DIAPH3: variants seen among roughly 807,000 people sequenced by gnomAD.
DIAPH3 encodes the protein diaphanous related formin 3.
In DIAPH3, 117 loss-of-function variants were observed where a neutral mutation model predicts 144.3. The observed-to-expected ratio is 0.81, with a 90% CI of 0.70 to 0.95. The LOEUF is 0.95. Among genes scored for constraint, DIAPH3 ranks in the 40% least tolerant of loss-of-function variants. DIAPH3 has a pLI of 0.00. For synonymous variants in DIAPH3, 519 were observed against 488.9 expected (o/e 1.06, Z -0.81); for missense variants, 1,421 against 1,412.7 (o/e 1.01, Z -0.09).
In DIAPH3 at chr13:60,072,000, C is replaced by T. The variant is rs568145602; in HGVS notation, c.495+21628G>A. ...CTAATTCATCCCTCACTGCTAATCA[C>T]CAAACATCTGAGCAGTGTGGGGCAC... On this transcript the variant is annotated intron_variant, in intron 4 of 27. Transcript: ENST00000400324. 1.6e-4 allele frequency among the ~76,000 whole-genome samples: 24 copies of T among 152,234 alleles called. No homozygotes were observed. In the South Asian group the frequency reaches 4.8e-3, roughly 30 times the overall value.
intron 8 of DIAPH3, among the ~76,000 whole-genome samples, chr13:60,009,829 T>G (rs780858748): frequency 9.2e-5 from 14 of 152,180 alleles, no homozygotes; most frequent in Non-Finnish European, 1.6e-4. Flanking sequence ...CCCCTACATA[T>G]GGGGGATATT....
chr13:59,845,804 T>C (rs1478113285), intron 22 of DIAPH3, among the ~76,000 whole-genome samples: 1 of 152,228 alleles, frequency 6.6e-6, no homozygotes, highest in Non-Finnish European at 1.5e-5. Context: ...TACTACTCTC[T>C]ATTTACATTT....
At chr13:59,943,150 G>A (rs2048623096) in intron 17 of DIAPH3, among the ~76,000 whole-genome samples, 1 of 152,070 alleles carries the variant, frequency 6.6e-6, no homozygotes, top group Non-Finnish European at 1.5e-5. Context: ...TGAACAAAAT[G>A]GGCTTTCTGG....
intron 27 of DIAPH3, among the ~76,000 whole-genome samples, chr13:59,724,554 A>G: frequency 6.6e-6 from 1 of 152,192 alleles, no homozygotes. Flanking sequence ...TTGGCACTCT[A>G]AAAGCTCTAT....
At chr13:59,822,870 A>AAATAATAAT in intron 24 of DIAPH3, among the ~76,000 whole-genome samples, 1 of 152,130 alleles carries the variant, frequency 6.6e-6, no homozygotes, top group Non-Finnish European at 1.5e-5. Context: ...AGAAAAGGCC[A>AAATAATAAT]CTGCATTTGA....
At chr13:60,065,739 G>A (rs1331493854) in intron 4 of DIAPH3, among the ~76,000 whole-genome samples, 1 of 151,998 alleles carries the variant, frequency 6.6e-6, no homozygotes, top group Non-Finnish European at 1.5e-5. Flanking sequence ...CTATCTTCCA[G>A]GCCAACTACT....
Position 59,984,673 on chromosome 13 carries a change from A to G in DIAPH3, c.1362-786T>C, listed in dbSNP as rs1594225778. On this transcript the variant is annotated intron_variant, in intron 12 of 27. Coordinates refer to ENST00000400324, the MANE Select transcript of DIAPH3 (RefSeq NM_001042517.2). ...TGATCCCACAGAAATACAAACTACC[A>G]TCAGAGAATACTACAAACACCTCTA... Among the ~76,000 whole-genome samples, 3 of 147,024 alleles carry G rather than the reference A, an allele frequency of 2.0e-5. 1 individual carries two copies. In the Admixed American group the frequency reaches 2.1e-4, roughly 10 times the overall value.
chr13:60,022,623 T>C (rs1365306248), intron 5 of DIAPH3, among the ~76,000 whole-genome samples: 1 of 152,170 alleles, frequency 6.6e-6, no homozygotes, highest in African/African-American at 2.4e-5. Flanking sequence ...GATGGGACTC[T>C]TCCTGTATCT....
At chr13:59,939,973 A>G (rs2048447307) in intron 17 of DIAPH3, among the ~76,000 whole-genome samples, 1 of 151,962 alleles carries the variant, frequency 6.6e-6, no homozygotes, top group African/African-American at 2.4e-5. Flanking sequence ...AAAAACTCCA[A>G]AGAATATAAA....
At chr13:60,065,513 G>A (rs2056925390) in intron 4 of DIAPH3, among the ~76,000 whole-genome samples, 1 of 152,094 alleles carries the variant, frequency 6.6e-6, no homozygotes, top group South Asian at 2.1e-4. Flanking sequence ...AACAGTGCCT[G>A]AAACACAGCA....
chr13:59,711,536 CCACCACCACCAT>C (rs1555278079), intron 27 of DIAPH3, among the ~76,000 whole-genome samples: 1 of 152,086 alleles, frequency 6.6e-6, no homozygotes, highest in Non-Finnish European at 1.5e-5. Context: ...ACCATCGTTG[CCACCACCACCAT>C]CACCACCACT....
At chr13:59,853,215 T>C (rs1208595112) in intron 22 of DIAPH3, among the ~76,000 whole-genome samples, 5 of 152,194 alleles carry the variant, frequency 3.3e-5, no homozygotes, top group Admixed American at 2.6e-4. Context: ...ATAATGTTTC[T>C]ATAATCTAAT....
chr13:59,765,323 G>A (rs1566278331), intron 27 of DIAPH3, among the ~76,000 whole-genome samples: 1 of 152,172 alleles, frequency 6.6e-6, no homozygotes, highest in Non-Finnish European at 1.5e-5. Flanking sequence ...ATCATGGAAG[G>A]AAAGTGAAGA....
chr13:59,843,422 G>C (rs1478699755), intron 22 of DIAPH3, among the ~76,000 whole-genome samples: 2 of 152,158 alleles, frequency 1.3e-5, no homozygotes, highest in Non-Finnish European at 2.9e-5. Flanking sequence ...GAGGGACTTA[G>C]TCCACTGGAT....
chr13:60,106,482 T>A (rs1053240112), intron 3 of DIAPH3, among the ~76,000 whole-genome samples: 1 of 152,106 alleles, frequency 6.6e-6, no homozygotes, highest in Non-Finnish European at 1.5e-5. Context: ...ATTTCTTCAA[T>A]AATATACAAA....
chr13:60,138,015 C>A (rs1042511755), intron 1 of DIAPH3, among the ~76,000 whole-genome samples: 1 of 152,074 alleles, frequency 6.6e-6, no homozygotes, highest in South Asian at 2.1e-4. Context: ...TGAGCCACCA[C>A]GCCTGGCCAA....
At chr13:59,803,455 A>G (rs146521052) in intron 25 of DIAPH3, among the ~76,000 whole-genome samples, 377 of 152,326 alleles carry the variant, frequency 2.5e-3, no homozygotes, top group South Asian at 5.0e-3. Flanking sequence ...TAATAATATG[A>G]AAAACATTTT....
At chr13:59,811,342 T>G (rs1383685334) in intron 24 of DIAPH3, among the ~76,000 whole-genome samples, 2 of 152,182 alleles carry the variant, frequency 1.3e-5, no homozygotes, top group African/African-American at 4.8e-5. Context: ...ATTATCAAAT[T>G]AAAGACATAA....
chr13:59,675,494 C>T (rs1451174598), intron 27 of DIAPH3, among the ~76,000 whole-genome samples: 3 of 151,876 alleles, frequency 2.0e-5, no homozygotes, highest in South Asian at 2.1e-4. Flanking sequence ...ATGCCATTCT[C>T]CTGCCTCAGC....
Sources: allele counts gnomAD v4.1 joint callset (sites outside exome capture counted in the v4.1 genomes callset), GRCh38; gene constraint gnomAD v4.1.1; transcripts MANE v1.5; gene names NCBI Gene and HGNC (gene_info 2026-07-23, HGNC 2026-07-21).